RRN3: variants seen among roughly 807,000 people sequenced by gnomAD.
RRN3 encodes the protein RNA polymerase I-specific transcription initiation factor RRN3.
RRN3 carries 38 observed loss-of-function variants against 82.3 expected under a neutral mutation model. The ratio of observed to expected loss-of-function variants is 0.46; its 90% confidence interval spans 0.36 to 0.61. The LOEUF (loss-of-function observed/expected upper bound fraction) is 0.61. RRN3 is among the 20% of genes least tolerant of loss of function. The pLI is 0.00. For synonymous variants in RRN3, 284 were observed against 284.3 expected, an observed-to-expected ratio of 1.00 and a Z score of 0.01; for missense variants, 726 against 793.1, an observed-to-expected ratio of 0.92 and a Z score of 1.02.
chr16:15,087,413 A>T (rs958623240), intron 3 of RRN3, among the ~76,000 whole-genome samples: 3 of 152,190 alleles, frequency 2.0e-5, no homozygotes, highest in Non-Finnish European at 4.4e-5. Flanking sequence ...AGGCCAGTAA[A>T]GAAGCAGGTC....
intron 12 of RRN3, 95 bp from the exon 13 acceptor site, chr16:15,071,346 A>C (rs1434342819): frequency 8.7e-7 from 1 of 1,146,088 alleles, no homozygotes; most frequent in Non-Finnish European, 1.2e-6. Flanking sequence ...AATGTAGGGA[A>C]AAGTTCTACT....
At chr16:15,082,323 G>A (rs1434571123) in intron 8 of RRN3, among the ~76,000 whole-genome samples, 1 of 151,852 alleles carries the variant, frequency 6.6e-6, no homozygotes, top group Non-Finnish European at 1.5e-5. Context: ...TGATTATGTG[G>A]TTTTTGTCCT....
chr16:15,062,230 AT>A (rs2044744363), intron 17 of RRN3, among the ~76,000 whole-genome samples: 1 of 152,190 alleles, frequency 6.6e-6, no homozygotes, highest in Non-Finnish European at 1.5e-5. Context: ...CTCATCACAC[AT>A]TGTAATCATT....
intron 8 of RRN3, among the ~76,000 whole-genome samples, chr16:15,081,629 CT>C (rs1352827960): frequency 2.0e-5 from 3 of 152,170 alleles, no homozygotes; most frequent in Admixed American, 1.3e-4. Flanking sequence ...TTTGGGGATC[CT>C]TTTCATCTTC....
Position 15,065,091 on chromosome 16 carries a change from G to A in RRN3, c.1706+128C>T, listed in dbSNP as rs552856901. The A allele has an allele frequency of 1.8e-4, 162 of 888,448 alleles. No individual in the cohort carries two copies. The African/African-American group carries it at 2.4e-3, about 13-fold the overall frequency. 55.0% of individuals were successfully genotyped at this position (888,448 alleles called of 1,614,324 possible). On this transcript the variant is annotated intron_variant, in intron 16 of 17. Coordinates refer to ENST00000198767, the MANE Select transcript of RRN3 (RefSeq NM_018427.5). ...TGAGTCAGGAGAATGGTGTGAACCC[G>A]GGAGGCGGAGCTTGCGGTAAGCCGA...
intron 14 of RRN3, among the ~76,000 whole-genome samples, chr16:15,068,548 T>A (rs1470464018): frequency 6.6e-6 from 1 of 152,144 alleles, no homozygotes; most frequent in Non-Finnish European, 1.5e-5. Flanking sequence ...CAATGTGAAA[T>A]TCATATGTTT....
intron 13 of RRN3, 119 bp from the exon 14 acceptor site, chr16:15,070,373 A>C: frequency 5.9e-6 from 4 of 678,148 alleles, no homozygotes; most frequent in Non-Finnish European, 1.0e-5. Flanking sequence ...GTTTCTTTAA[A>C]TAATACCCAT....
intron 13 of RRN3, 66 bp from the exon 14 acceptor site, chr16:15,070,320 C>T: frequency 6.4e-7 from 1 of 1,569,848 alleles, no homozygotes; most frequent in East Asian, 2.3e-5. Context: ...CATAAAAACA[C>T]ACAACTGCCT....
At chr16:15,075,435 C>A (rs1409089964) in intron 10 of RRN3, among the ~76,000 whole-genome samples, 5 of 151,278 alleles carry the variant, frequency 3.3e-5, no homozygotes, top group African/African-American at 9.7e-5. Flanking sequence ...TAGCTGGGTG[C>A]GGTGGTACAC....
In RRN3 at chr16:15,086,235, A is replaced by G; in HGVS notation, c.366T>C (p.Ser122=). Reference sequence around the variant, plus strand: ...CCAAATACTCTTCCACTACTGTTTGACTTCTATTCAACCAAGGCAATCTCT... The same window carrying G: ...CCAAATACTCTTCCACTACTGTTTGGCTTCTATTCAACCAAGGCAATCTCT... ...IILRLPWLNR[S]QTVVEEYLAF... The change falls in exon 5 of 18, where the codon AGT becomes AGC. Residue 122 remains serine, a synonymous_variant. Coordinates refer to ENST00000198767, the MANE Select transcript of RRN3 (RefSeq NM_018427.5). 1 of 1,584,236 alleles carries G rather than the reference A, an allele frequency of 6.3e-7. No individual in the cohort carries two copies. Among genetic ancestry groups the G allele is most frequent in the Non-Finnish European group, 8.6e-7 (1 of 1,158,178 alleles).
chr16:15,064,266 C>T (rs891249839), intron 16 of RRN3, among the ~76,000 whole-genome samples: 10 of 152,064 alleles, frequency 6.6e-5, no homozygotes, highest in African/African-American at 2.4e-4. Context: ...ACCTCCACCT[C>T]CCGGGTTCAA....
intron 10 of RRN3, 174 bp downstream of exon 10, chr16:15,076,384 C>T (rs1451843215): frequency 1.6e-6 from 1 of 627,506 alleles, no homozygotes; most frequent in Non-Finnish European, 2.9e-6. Flanking sequence ...AATAGACCAA[C>T]TATGCTAAGT....
At chr16:15,089,679 A>G (rs1411915492) in intron 3 of RRN3, among the ~76,000 whole-genome samples, 2 of 147,482 alleles carry the variant, frequency 1.4e-5, no homozygotes, top group South Asian at 4.4e-4. Flanking sequence ...GGGCGAGTGT[A>G]GTCTCAGCTA....
At position 15,085,714 on chromosome 16, in the gene RRN3, G is replaced by A; in HGVS notation, c.473-16C>T. 3.1e-6 allele frequency: 5 copies of A among 1,612,656 alleles called. No homozygotes were observed. The highest frequency in any genetic ancestry group is 4.2e-6 in the Non-Finnish European group (5 of 1,179,702). Reference sequence around the variant, plus strand: ...ATCACTCGGGCTTTTGAGGGAAAAAGAAAATATGTTATTCTGTCATTGATC... The same window carrying A: ...ATCACTCGGGCTTTTGAGGGAAAAAAAAAATATGTTATTCTGTCATTGATC... On this transcript the variant is annotated splice_polypyrimidine_tract_variant and intron_variant, in intron 5 of 17. Coordinates refer to ENST00000198767, the MANE Select transcript of RRN3 (RefSeq NM_018427.5).
At chr16:15,093,794 G>A (rs1044760919) in intron 1 of RRN3, among the ~76,000 whole-genome samples, 81 of 152,226 alleles carry the variant, frequency 5.3e-4, no homozygotes, top group African/African-American at 1.9e-3. Context: ...GACGACGTTC[G>A]GCTGATAACC....
intron 12 of RRN3, among the ~76,000 whole-genome samples, chr16:15,072,040 G>T (rs1170348837): frequency 1.3e-5 from 2 of 152,106 alleles, no homozygotes; most frequent in Non-Finnish European, 2.9e-5. Flanking sequence ...AGTTAATTAT[G>T]CCAATCATGG....
chr16:15,073,474 C>T (rs1164864188), intron 11 of RRN3, among the ~76,000 whole-genome samples: 1 of 152,084 alleles, frequency 6.6e-6, no homozygotes, highest in African/African-American at 2.4e-5. Flanking sequence ...AAAAGAAAGA[C>T]AGACATTATC....
chr16:15,086,379 TA>T lies in RRN3; in HGVS notation c.327del (p.Ile110SerfsTer5). The T allele has an allele frequency of 6.2e-7, 1 of 1,613,772 alleles. No homozygotes were observed. The highest frequency in any genetic ancestry group is 8.5e-7 in the Non-Finnish European group (1 of 1,179,774). On this transcript the variant is annotated frameshift_variant, in exon 4 of 18. Transcript: ENST00000198767. LOFTEE classifies it high-confidence loss of function. ...GGTGAACTTACTAATATAATACTGA[TA>T]AGTTGCTCAAAGTCTTTTGTCAAGT... ...IMYLTKDFEQ[L>X]ISIILRLPWL...
At chr16:15,079,733 C>T (rs1409545525) in intron 9 of RRN3, among the ~76,000 whole-genome samples, 1 of 152,144 alleles carries the variant, frequency 6.6e-6, no homozygotes, top group Non-Finnish European at 1.5e-5. Flanking sequence ...GCTGGGATTA[C>T]AGGCACCCAC....
Sources: allele counts gnomAD v4.1 joint callset (sites outside exome capture counted in the v4.1 genomes callset), GRCh38; gene constraint gnomAD v4.1.1; transcripts MANE v1.5; gene names NCBI Gene and HGNC (gene_info 2026-07-23, HGNC 2026-07-21).